The following MPZL1 variants were observed in gnomAD, a reference collection of about 807,000 sequenced individuals.
The protein encoded by MPZL1 is myelin protein zero-like protein 1.
MPZL1 carries 16 observed loss-of-function variants against 29.3 expected under a neutral mutation model. The observed-to-expected ratio is 0.55, with a 90% CI of 0.37 to 0.83. MPZL1 has a LOEUF of 0.83. Ranked by LOEUF, MPZL1 falls within the 40% of genes least tolerant of loss-of-function variation. The pLI is 0.00. For synonymous variants in MPZL1, 143 were observed against 132.0 expected, an observed-to-expected ratio of 1.08 and a Z score of -0.57; for missense variants, 279 against 332.9, an observed-to-expected ratio of 0.84 and a Z score of 1.26.
At chr1:167,783,103 G>A (rs1260690387) in intron 5 of MPZL1, among the ~76,000 whole-genome samples, 1 of 152,176 alleles carries the variant, frequency 6.6e-6, no homozygotes, top group Non-Finnish European at 1.5e-5. Flanking sequence ...TCAGCATTTT[G>A]AGTCATTGCT....
intron 1 of MPZL1, among the ~76,000 whole-genome samples, chr1:167,757,338 C>T (rs1211309850): frequency 6.6e-6 from 1 of 152,198 alleles, no homozygotes; most frequent in African/African-American, 2.4e-5. Flanking sequence ...TTCACTGGAG[C>T]ATTCTGAAAC....
At chr1:167,742,969 C>T (rs1425952213) in intron 1 of MPZL1, among the ~76,000 whole-genome samples, 2 of 151,962 alleles carry the variant, frequency 1.3e-5, no homozygotes, top group Non-Finnish European at 2.9e-5. Flanking sequence ...TTTTTGGGTT[C>T]TCTATTTTGT....
intron 1 of MPZL1, among the ~76,000 whole-genome samples, chr1:167,740,478 CT>C (rs996891005): frequency 1.2e-4 from 18 of 152,160 alleles, no homozygotes; most frequent in African/African-American, 4.3e-4. Flanking sequence ...CTTCTCTTGG[CT>C]TTACTTACAC....
rs1243155524 is a variant in MPZL1, at chr1:167,727,633, A to G, written c.91+5391A>G. On this transcript the variant is annotated intron_variant, in intron 1 of 5. Coordinates refer to ENST00000359523, the MANE Select transcript of MPZL1 (RefSeq NM_003953.6). ...GGCTGGTGATATTAAGCCTTCATGTATCTTGAATGATATTCCTTTTTTCCT... is the reference window on the plus strand; with the variant it reads ...GGCTGGTGATATTAAGCCTTCATGTGTCTTGAATGATATTCCTTTTTTCCT... Among the ~76,000 whole-genome samples the G allele has an allele frequency of 1.4e-5, 2 of 145,088 alleles. 1 individual carries two copies. Among genetic ancestry groups the G allele is most frequent in the Admixed American group, 1.4e-4 (2 of 14,278 alleles).
At chr1:167,731,970 T>C (rs952452344) in intron 1 of MPZL1, among the ~76,000 whole-genome samples, 2 of 152,204 alleles carry the variant, frequency 1.3e-5, no homozygotes, top group African/African-American at 2.4e-5. Context: ...ACAAATTCTT[T>C]GGCTGCAAAA....
intron 1 of MPZL1, among the ~76,000 whole-genome samples, chr1:167,749,974 C>T (rs1001086274): frequency 1.3e-5 from 2 of 152,154 alleles, no homozygotes; most frequent in Non-Finnish European, 2.9e-5. Flanking sequence ...GCAAATAGTC[C>T]GACATACCTG....
intron 5 of MPZL1, among the ~76,000 whole-genome samples, chr1:167,781,701 A>G (rs949855431): frequency 7.2e-5 from 11 of 152,194 alleles, no homozygotes; most frequent in Non-Finnish European, 1.3e-4. Flanking sequence ...ACATAAACAG[A>G]TAGAATTAAT....
chr1:167,734,668 C>T (rs968478361), intron 1 of MPZL1, among the ~76,000 whole-genome samples: 7 of 152,100 alleles, frequency 4.6e-5, no homozygotes, highest in African/African-American at 1.7e-4. Flanking sequence ...AGACTTAAGT[C>T]TAGTTATAGA....
intron 4 of MPZL1, among the ~76,000 whole-genome samples, chr1:167,775,595 G>A (rs1661349478): frequency 6.6e-6 from 1 of 152,094 alleles, no homozygotes; most frequent in South Asian, 2.1e-4. Context: ...AGACTTGCCT[G>A]GATATATATC....
intron 4 of MPZL1, among the ~76,000 whole-genome samples, chr1:167,775,318 A>G (rs561505110): frequency 3.3e-5 from 5 of 152,348 alleles, no homozygotes; most frequent in East Asian, 1.9e-4. Flanking sequence ...TTAAAAGTAT[A>G]TATCAAAAGG....
chr1:167,739,284 T>C (rs1424741093), intron 1 of MPZL1, among the ~76,000 whole-genome samples: 7 of 73,998 alleles, frequency 9.5e-5, no homozygotes, highest in South Asian at 4.0e-4. Context: ...CATATATACA[T>C]ATATATATAT....
intron 1 of MPZL1, among the ~76,000 whole-genome samples, chr1:167,740,890 C>G (rs1420447337): frequency 6.6e-6 from 1 of 152,224 alleles, no homozygotes; most frequent in Non-Finnish European, 1.5e-5. Flanking sequence ...CTCCATTCAT[C>G]CCTTCTCTTC....
At chr1:167,737,917 T>TTTTGTG (rs1553254168) in intron 1 of MPZL1, among the ~76,000 whole-genome samples, 3 of 143,664 alleles carry the variant, frequency 2.1e-5, no homozygotes, top group African/African-American at 7.6e-5. Context: ...TCTTGTGTTT[T>TTTTGTG]TTTGTTTGTT....
intron 2 of MPZL1, among the ~76,000 whole-genome samples, chr1:167,766,412 A>G (rs528527992): frequency 6.6e-6 from 1 of 152,358 alleles, no homozygotes; most frequent in South Asian, 2.1e-4. Context: ...TGGAGACGAT[A>G]AAACCTCCCA....
chr1:167,741,483 G>A (rs751441999), intron 1 of MPZL1, among the ~76,000 whole-genome samples: 12 of 151,640 alleles, frequency 7.9e-5, no homozygotes, highest in African/African-American at 2.2e-4. Context: ...ACGCCACCAC[G>A]CCTGGCTAAT....
chr1:167,754,899 T>C (rs1038676067), intron 1 of MPZL1, among the ~76,000 whole-genome samples: 24 of 152,212 alleles, frequency 1.6e-4, no homozygotes, highest in Non-Finnish European at 4.4e-5. Flanking sequence ...AGTTATGGTT[T>C]ACAGCAAAAT....
chr1:167,781,594 G>A (rs2101798195), intron 5 of MPZL1, among the ~76,000 whole-genome samples: 1 of 151,806 alleles, frequency 6.6e-6, no homozygotes, highest in Admixed American at 6.6e-5. Context: ...AAGATTTGTA[G>A]CATTAACTGT....
intron 1 of MPZL1, among the ~76,000 whole-genome samples, chr1:167,736,258 T>A (rs1423327680): frequency 6.6e-6 from 1 of 152,202 alleles, no homozygotes; most frequent in Non-Finnish European, 1.5e-5. Context: ...ACTGCATGCT[T>A]GTCTTTGGTA....
At chr1:167,786,388 T>C (rs183857727) in intron 5 of MPZL1, among the ~76,000 whole-genome samples, 6 of 152,322 alleles carry the variant, frequency 3.9e-5, no homozygotes, top group Middle Eastern at 3.4e-3. Context: ...TATCATCTTA[T>C]TTAATTTTCA....
Sources: allele counts gnomAD v4.1 joint callset (sites outside exome capture counted in the v4.1 genomes callset), GRCh38; gene constraint gnomAD v4.1.1; transcripts MANE v1.5; gene names NCBI Gene and HGNC (gene_info 2026-07-23, HGNC 2026-07-21).